UNC5D: variants seen among roughly 807,000 people sequenced by gnomAD.
The protein encoded by UNC5D is unc-5 netrin receptor D.
In UNC5D, 39 loss-of-function variants were observed where a neutral mutation model predicts 105.4. The ratio of observed to expected loss-of-function variants is 0.37; its 90% confidence interval spans 0.29 to 0.48. The LOEUF (loss-of-function observed/expected upper bound fraction) is 0.48. Among genes scored for constraint, UNC5D ranks in the 20% least tolerant of loss-of-function variants. The pLI, the probability that UNC5D is intolerant of heterozygous loss-of-function variation, is 0.98. For synonymous variants in UNC5D, 452 were observed against 450.4 expected (o/e 1.00, Z -0.04); for missense variants, 991 against 1,202.4 (o/e 0.82, Z 2.60).
chr8:35,336,048 C>A lies in UNC5D; in HGVS notation c.103+100161C>A, dbSNP rs969558509. On this transcript the variant is annotated intron_variant, in intron 1 of 16. Transcript: ENST00000404895. ...AAAGTGTTGGGATTGCAGGCGTGAA[C>A]CACCGCGCCCGGCCGAGAGATTTCA... Among the ~76,000 whole-genome samples the A allele has an allele frequency of 7.9e-5, 12 of 151,986 alleles. No homozygotes were observed. In the East Asian group the frequency reaches 1.9e-3, roughly 24 times the overall value.
intron 1 of UNC5D, among the ~76,000 whole-genome samples, chr8:35,393,323 C>A (rs1177448050): frequency 6.6e-6 from 1 of 151,068 alleles, no homozygotes; most frequent in South Asian, 2.1e-4. Flanking sequence ...TTAGTAGAGA[C>A]GGGGTTTCAC....
At chr8:35,570,672 G>A (rs1817655595) in intron 3 of UNC5D, among the ~76,000 whole-genome samples, 1 of 152,006 alleles carries the variant, frequency 6.6e-6, no homozygotes, top group African/African-American at 2.4e-5. Flanking sequence ...AAAACACTTA[G>A]CCCGGGCACG....
chr8:35,272,165 G>A (rs917363493), intron 1 of UNC5D, among the ~76,000 whole-genome samples: 4 of 152,146 alleles, frequency 2.6e-5, no homozygotes, highest in African/African-American at 9.7e-5. Context: ...GAATTGCTGA[G>A]TGTTTATGGA....
chr8:35,539,277 G>A (rs1313022030), intron 1 of UNC5D, among the ~76,000 whole-genome samples: 2 of 151,978 alleles, frequency 1.3e-5, no homozygotes, highest in East Asian at 1.9e-4. Context: ...TTTAACATGT[G>A]TTTGTATTTT....
chr8:35,413,292 T>TGTGTGTGTGGTG (rs56157732), intron 1 of UNC5D, among the ~76,000 whole-genome samples: 4 of 127,978 alleles, frequency 3.1e-5, no homozygotes, highest in Non-Finnish European at 4.8e-5. Flanking sequence ...TGTGTGTGTG[T>TGTGTGTGTGGTG]TGTGTGTGTG....
intron 1 of UNC5D, among the ~76,000 whole-genome samples, chr8:35,369,954 C>G (rs768437390): frequency 5.9e-5 from 9 of 152,082 alleles, no homozygotes; most frequent in Non-Finnish European, 1.0e-4. Context: ...TTTGTATCCT[C>G]TCTCCTTCCT....
chr8:35,314,693 CTTG>C (rs1264634521), intron 1 of UNC5D, among the ~76,000 whole-genome samples: 3 of 152,140 alleles, frequency 2.0e-5, no homozygotes, highest in Admixed American at 2.0e-4. Context: ...AGAGTCAACT[CTTG>C]TTGGTTCTAT....
At chr8:35,296,373 C>G (rs992716582) in intron 1 of UNC5D, among the ~76,000 whole-genome samples, 1 of 152,234 alleles carries the variant, frequency 6.6e-6, no homozygotes, top group Admixed American at 6.5e-5. Flanking sequence ...GAGGTGTTCT[C>G]TCATTGTGGT....
chr8:35,676,311 GTAAC>G (rs1825215638), intron 4 of UNC5D, among the ~76,000 whole-genome samples: 1 of 152,194 alleles, frequency 6.6e-6, no homozygotes, highest in Non-Finnish European at 1.5e-5. Flanking sequence ...TTACCTCTAA[GTAAC>G]TAGTTTCTTT....
At chr8:35,264,450 G>A (rs770425653) in intron 1 of UNC5D, among the ~76,000 whole-genome samples, 15 of 152,142 alleles carry the variant, frequency 9.9e-5, no homozygotes, top group South Asian at 2.1e-4. Context: ...ATATTTGACC[G>A]GGTGCAGTGG....
At chr8:35,413,985 C>G (rs1247831376) in intron 1 of UNC5D, among the ~76,000 whole-genome samples, 2 of 152,086 alleles carry the variant, frequency 1.3e-5, no homozygotes, top group African/African-American at 4.8e-5. Context: ...GCCATTAAAG[C>G]TGACCTCAGA....
intron 1 of UNC5D, among the ~76,000 whole-genome samples, chr8:35,451,205 G>A (rs1413455555): frequency 6.6e-6 from 1 of 151,878 alleles, no homozygotes; most frequent in East Asian, 1.9e-4. Flanking sequence ...CACCATGCTC[G>A]GCTAATTTTG....
chr8:35,516,775 T>C (rs2130411970), intron 1 of UNC5D, among the ~76,000 whole-genome samples: 1 of 152,316 alleles, frequency 6.6e-6, no homozygotes, highest in South Asian at 2.1e-4. Context: ...CAAGAAGAGC[T>C]TTACCATTCT....
chr8:35,705,192 C>G (rs1210790398), intron 7 of UNC5D, among the ~76,000 whole-genome samples: 1 of 152,154 alleles, frequency 6.6e-6, no homozygotes, highest in Non-Finnish European at 1.5e-5. Context: ...TCTCGATCTC[C>G]TGACCTCGTG....
chr8:35,286,730 G>A (rs1314743625), intron 1 of UNC5D, among the ~76,000 whole-genome samples: 7 of 152,114 alleles, frequency 4.6e-5, no homozygotes, highest in East Asian at 1.9e-4. Context: ...AAACCTTGGC[G>A]TTCTACTCTA....
intron 1 of UNC5D, among the ~76,000 whole-genome samples, chr8:35,389,419 G>A (rs1369589655): frequency 1.3e-5 from 2 of 152,132 alleles, no homozygotes; most frequent in East Asian, 3.9e-4. Flanking sequence ...TGCTGCTGCA[G>A]GCTTTTGGAC....
chr8:35,391,782 C>A (rs1803792308), intron 1 of UNC5D, among the ~76,000 whole-genome samples: 1 of 152,062 alleles, frequency 6.6e-6, no homozygotes, highest in Non-Finnish European at 1.5e-5. Context: ...TTAGAACTGG[C>A]AGTTCTTGGC....
chr8:35,506,291 T>A (rs942731735), intron 1 of UNC5D, among the ~76,000 whole-genome samples: 2 of 152,188 alleles, frequency 1.3e-5, no homozygotes, highest in African/African-American at 4.8e-5. Flanking sequence ...AAATAAACAC[T>A]TTTCTTCTTG....
At chr8:35,258,467 G>A (rs1437963544) in intron 1 of UNC5D, among the ~76,000 whole-genome samples, 1 of 152,124 alleles carries the variant, frequency 6.6e-6, no homozygotes, top group Non-Finnish European at 1.5e-5. Flanking sequence ...TCACTTTTTA[G>A]TACTTATGAG....
Sources: allele counts gnomAD v4.1 joint callset (sites outside exome capture counted in the v4.1 genomes callset), GRCh38; gene constraint gnomAD v4.1.1; transcripts MANE v1.5; gene names NCBI Gene and HGNC (gene_info 2026-07-23, HGNC 2026-07-21).